Variants in CYP39A1 observed in about 807,000 individuals in gnomAD.
The protein encoded by CYP39A1 is cytochrome P450 family 39 subfamily A member 1, also known as 24-hydroxycholesterol 7-alpha-hydroxylase.
In CYP39A1, 49 loss-of-function variants were observed where a neutral mutation model predicts 58.1. The observed-to-expected ratio is 0.84, with a 90% CI of 0.67 to 1.07. The LOEUF (loss-of-function observed/expected upper bound fraction) is 1.07. Among genes scored for constraint, CYP39A1 ranks in the 50% least tolerant of loss-of-function variants. The pLI, the probability that CYP39A1 is intolerant of heterozygous loss-of-function variation, is 0.00. For missense variants in CYP39A1, 531 were observed against 539.4 expected, an observed-to-expected ratio of 0.98 and a Z score of 0.16; for synonymous variants, 209 against 187.6, an observed-to-expected ratio of 1.11 and a Z score of -0.93.
chr6:46,639,372 A>T, intron 3 of CYP39A1, 122 bp downstream of exon 3: 1 of 908,928 alleles, frequency 1.1e-6, no homozygotes, highest in Non-Finnish European at 1.7e-6. Context: ...ATAATCTCTT[A>T]ATAGCCTAGT....
Position 46,550,459 on chromosome 6 carries a change from A to G in CYP39A1, c.1339-22T>C, listed in dbSNP as rs1770331940. The G allele has an allele frequency of 3.1e-6, 5 of 1,602,418 alleles. No individual in the cohort carries two copies. In the East Asian group the frequency reaches 9.0e-5, roughly 29 times the overall value. The stretch of plus-strand genomic sequence containing the variant: ...AACTCTAAAAACAGAAATGCAGAAG[A>G]AATAGAAATTAAGAGACATAAGTCC... On this transcript the variant is annotated intron_variant, in intron 11 of 11. Coordinates refer to ENST00000275016, the MANE Select transcript of CYP39A1 (RefSeq NM_016593.5).
chr6:46,627,846 T>C lies in CYP39A1; in HGVS notation c.841-2338A>G, dbSNP rs546708254. 2.6e-5 allele frequency among the ~76,000 whole-genome samples: 4 copies of C among 152,332 alleles called. No individual in the cohort carries two copies. In the East Asian group the frequency reaches 7.7e-4, roughly 29 times the overall value. The stretch of plus-strand genomic sequence containing the variant: ...AAGTTTATATGTATTACTACATCAA[T>C]AAGCAAGAATAAGTGACTTTGAGGT... On this transcript the variant is annotated intron_variant, in intron 6 of 11. Transcript: ENST00000275016.
chr6:46,611,265 A>G (rs2150549950), intron 7 of CYP39A1, among the ~76,000 whole-genome samples: 1 of 152,364 alleles, frequency 6.6e-6, no homozygotes, highest in South Asian at 2.1e-4. Flanking sequence ...AATTACAAGT[A>G]ATAACCTTTT....
chr6:46,563,531 C>T (rs1264659827), intron 10 of CYP39A1, among the ~76,000 whole-genome samples: 2 of 152,080 alleles, frequency 1.3e-5, no homozygotes, highest in Non-Finnish European at 2.9e-5. Context: ...GCATTGAGAA[C>T]ACCAAGACCG....
chr6:46,592,280 T>G (rs558715275), intron 8 of CYP39A1, among the ~76,000 whole-genome samples: 65 of 152,086 alleles, frequency 4.3e-4, no homozygotes, highest in Non-Finnish European at 7.9e-4. Context: ...AAAGGAACAT[T>G]GACCAGTTGC....
chr6:46,651,332 T>A (rs1456864462), intron 1 of CYP39A1, among the ~76,000 whole-genome samples: 1 of 152,164 alleles, frequency 6.6e-6, no homozygotes. Context: ...AACTATTGTA[T>A]CCTCCTATGA....
chr6:46,601,800 C>T (rs375820323), intron 7 of CYP39A1, among the ~76,000 whole-genome samples: 3 of 151,672 alleles, frequency 2.0e-5, no homozygotes, highest in Non-Finnish European at 4.4e-5. Context: ...GGATTACAGG[C>T]GTGAGCCACC....
intron 11 of CYP39A1, among the ~76,000 whole-genome samples, chr6:46,551,694 G>A (rs1202173631): frequency 6.6e-6 from 1 of 152,110 alleles, no homozygotes; most frequent in Non-Finnish European, 1.5e-5. Context: ...AATTCCTTCA[G>A]GGGAGTTGGT....
intron 7 of CYP39A1, among the ~76,000 whole-genome samples, chr6:46,616,188 T>A (rs1222891093): frequency 5.1e-4 from 6 of 11,774 alleles, no homozygotes; most frequent in African/African-American, 1.6e-3. Context: ...TCTTTCTTTC[T>A]TCTTTCCCTC....
At chr6:46,595,350 C>T (rs561820823) in intron 8 of CYP39A1, among the ~76,000 whole-genome samples, 3 of 151,942 alleles carry the variant, frequency 2.0e-5, no homozygotes, top group South Asian at 2.1e-4. Flanking sequence ...GAAGACATAT[C>T]TGCACTCCCA....
intron 5 of CYP39A1, among the ~76,000 whole-genome samples, chr6:46,631,635 C>A (rs1337299132): frequency 6.6e-6 from 1 of 152,052 alleles, no homozygotes; most frequent in Non-Finnish European, 1.5e-5. Flanking sequence ...AAAACTACAC[C>A]CCCATCCACC....
At chr6:46,555,001 TA>T (rs1180068456) in intron 10 of CYP39A1, among the ~76,000 whole-genome samples, 1 of 151,920 alleles carries the variant, frequency 6.6e-6, no homozygotes, top group Non-Finnish European at 1.5e-5. Flanking sequence ...GTAAACTTTC[TA>T]AAACACATAT....
At chr6:46,592,737 C>A (rs1198073163) in intron 8 of CYP39A1, among the ~76,000 whole-genome samples, 3 of 152,112 alleles carry the variant, frequency 2.0e-5, no homozygotes, top group Non-Finnish European at 4.4e-5. Context: ...GGGCAGATCA[C>A]CTGAGGTCAG....
intron 10 of CYP39A1, chr6:46,586,628 C>T (rs1772486177): frequency 1.1e-6 from 1 of 938,342 alleles, no homozygotes; most frequent in Admixed American, 6.1e-5. Flanking sequence ...AAAGTTTTCA[C>T]AAGCCAAACT....
chr6:46,587,287 G>A, intron 9 of CYP39A1, 122 bp from the exon 10 acceptor site: 2 of 701,968 alleles, frequency 2.8e-6, no homozygotes, highest in South Asian at 3.4e-5. Flanking sequence ...CAGGGTTGTT[G>A]GTAATTTTTT....
chr6:46,600,161 C>T (rs968383368), intron 7 of CYP39A1, among the ~76,000 whole-genome samples: 1 of 151,862 alleles, frequency 6.6e-6, no homozygotes, highest in African/African-American at 2.4e-5. Flanking sequence ...TGGAGACTCG[C>T]TCTGTTACCC....
intron 10 of CYP39A1, among the ~76,000 whole-genome samples, chr6:46,567,981 T>A (rs989937805): frequency 8.2e-6 from 1 of 121,602 alleles, no homozygotes; most frequent in Non-Finnish European, 1.6e-5. Flanking sequence ...ATTGAGCTTA[T>A]AAGACATTTT....
intron 6 of CYP39A1, among the ~76,000 whole-genome samples, chr6:46,630,095 C>CA (rs1350340928): frequency 4.7e-5 from 7 of 150,082 alleles, no homozygotes; most frequent in South Asian, 2.1e-4. Flanking sequence ...GACACCATCT[C>CA]AAAAAAACAA....
intron 10 of CYP39A1, among the ~76,000 whole-genome samples, chr6:46,573,606 A>G (rs1169868497): frequency 3.3e-5 from 5 of 152,172 alleles, no homozygotes; most frequent in Admixed American, 2.6e-4. Flanking sequence ...TAACCACAGT[A>G]GCACTGGTTC....
Sources: allele counts gnomAD v4.1 joint callset (sites outside exome capture counted in the v4.1 genomes callset), GRCh38; gene constraint gnomAD v4.1.1; transcripts MANE v1.5; gene names NCBI Gene and HGNC (gene_info 2026-07-23, HGNC 2026-07-21).